Variants in ZNF407 observed in about 807,000 individuals in gnomAD.
The protein encoded by ZNF407 is zinc finger protein 407.
ZNF407 carries 17 observed loss-of-function variants against 131.2 expected under a neutral mutation model. That is an observed-to-expected ratio of 0.13 (90% confidence interval 0.09 to 0.19). ZNF407 has a LOEUF of 0.19. Among genes scored for constraint, ZNF407 ranks in the 10% least tolerant of loss-of-function variants. The probability of loss-of-function intolerance (pLI) is 1.00; values close to 1 mark genes in which losing one functional copy is unlikely to be tolerated. For synonymous variants in ZNF407, 1,156 were observed against 1,062.0 expected, an observed-to-expected ratio of 1.09 and a Z score of -1.72; for missense variants, 2,681 against 2,830.6, an observed-to-expected ratio of 0.95 and a Z score of 1.20.
intron 3 of ZNF407, among the ~76,000 whole-genome samples, chr18:74,706,041 C>A (rs956369862): frequency 2.6e-5 from 4 of 152,170 alleles, no homozygotes; most frequent in South Asian, 2.1e-4. Flanking sequence ...TCCACTGTCT[C>A]TTCCCCCTTC....
chr18:74,914,963 T>C (rs1021865841), intron 7 of ZNF407, among the ~76,000 whole-genome samples: 1 of 152,256 alleles, frequency 6.6e-6, no homozygotes, highest in African/African-American at 2.4e-5. Context: ...AACTGTGACA[T>C]GAGTTCTTCC....
chr18:74,915,720 T>TGTGCGC (rs1413858651), intron 7 of ZNF407, among the ~76,000 whole-genome samples: 11 of 84,830 alleles, frequency 1.3e-4, no homozygotes, highest in African/African-American at 3.6e-4. Flanking sequence ...TGTGTGTGTG[T>TGTGCGC]GCTGGTATGG....
intron 1 of ZNF407, among the ~76,000 whole-genome samples, chr18:74,606,832 T>G (rs1023300663): frequency 6.6e-6 from 1 of 152,222 alleles, no homozygotes; most frequent in African/African-American, 2.4e-5. Context: ...GAAGAAATAA[T>G]TTTAGATATA....
chr18:74,968,115 G>A (rs1171514790), intron 8 of ZNF407, among the ~76,000 whole-genome samples: 2 of 152,120 alleles, frequency 1.3e-5, no homozygotes, highest in African/African-American at 4.8e-5. Flanking sequence ...GATATATTAT[G>A]TGGTCATCAT....
intron 3 of ZNF407, among the ~76,000 whole-genome samples, chr18:74,658,133 G>A (rs552451916): frequency 4.9e-4 from 69 of 139,734 alleles, no homozygotes; most frequent in African/African-American, 2.0e-3. Context: ...TATTTTTTGA[G>A]ACGGAGCCTC....
intron 3 of ZNF407, among the ~76,000 whole-genome samples, chr18:74,736,594 A>AT (rs1276855525): frequency 5.3e-5 from 8 of 152,046 alleles, no homozygotes; most frequent in Non-Finnish European, 8.8e-5. Flanking sequence ...CTGTACTGAG[A>AT]TTTTTTTAAC....
chr18:74,754,461 T>G (rs887571342), intron 3 of ZNF407, among the ~76,000 whole-genome samples: 2 of 152,250 alleles, frequency 1.3e-5, no homozygotes, highest in African/African-American at 4.8e-5. Flanking sequence ...TTTTAGATCT[T>G]TCCTGCTTTC....
intron 4 of ZNF407, among the ~76,000 whole-genome samples, chr18:74,850,109 G>A (rs916362184): frequency 6.6e-6 from 1 of 151,858 alleles, no homozygotes; most frequent in Non-Finnish European, 1.5e-5. Context: ...GAAGTTAAAG[G>A]GTTTTCCAGT....
chr18:74,876,409 A>G (rs1971156786), intron 4 of ZNF407, among the ~76,000 whole-genome samples: 1 of 152,212 alleles, frequency 6.6e-6, no homozygotes, highest in South Asian at 2.1e-4. Context: ...CAACTATTTC[A>G]TGAATGCAAT....
At chr18:74,885,751 T>C (rs1242688973) in intron 6 of ZNF407, among the ~76,000 whole-genome samples, 1 of 152,182 alleles carries the variant, frequency 6.6e-6, no homozygotes, top group Non-Finnish European at 1.5e-5. Context: ...TTGGAGCAGT[T>C]GGCTATCTAT....
Position 74,973,148 on chromosome 18 carries a change from G to A in ZNF407, c.5428+52456G>A, listed in dbSNP as rs186318626. ...AGGTTTTATATATATATGTGTGTGT[G>A]TGTGTATAAACATTATAAATACATA... On this transcript the variant is annotated intron_variant, in intron 8 of 8. Coordinates refer to ENST00000299687, the MANE Select transcript of ZNF407 (RefSeq NM_017757.3). 4.3e-3 allele frequency among the ~76,000 whole-genome samples: 655 copies of A among 152,196 alleles called. 6 individuals carry two copies. The highest frequency in any genetic ancestry group is 0.01 in the South Asian group (49 of 4,826).
intron 4 of ZNF407, among the ~76,000 whole-genome samples, chr18:74,867,078 G>C (rs1971022968): frequency 6.6e-6 from 1 of 150,624 alleles, no homozygotes. Context: ...AATAAATAGT[G>C]ATGGTTGTCA....
intron 3 of ZNF407, among the ~76,000 whole-genome samples, chr18:74,717,369 A>G (rs1332821780): frequency 6.6e-6 from 1 of 152,192 alleles, no homozygotes; most frequent in Non-Finnish European, 1.5e-5. Context: ...ATACTGTAAT[A>G]GCTTTACATC....
intron 4 of ZNF407, among the ~76,000 whole-genome samples, chr18:74,827,143 A>G (rs1321035785): frequency 6.6e-6 from 1 of 152,178 alleles, no homozygotes; most frequent in Non-Finnish European, 1.5e-5. Flanking sequence ...AGTTGTTTGG[A>G]AAATGTCCCT....
intron 8 of ZNF407, among the ~76,000 whole-genome samples, chr18:75,027,998 A>G (rs933183844): frequency 2.6e-5 from 4 of 152,206 alleles, no homozygotes; most frequent in African/African-American, 9.6e-5. Context: ...GTGGTAGCAG[A>G]GACGTGATGA....
chr18:74,654,241 G>C (rs2144716433), intron 3 of ZNF407, among the ~76,000 whole-genome samples: 1 of 151,896 alleles, frequency 6.6e-6, no homozygotes, highest in Middle Eastern at 3.4e-3. Flanking sequence ...TTATTTACCA[G>C]TAGGTATAGT....
intron 3 of ZNF407, among the ~76,000 whole-genome samples, chr18:74,663,261 C>T (rs1203986004): frequency 6.6e-6 from 1 of 152,064 alleles, no homozygotes; most frequent in Non-Finnish European, 1.5e-5. Flanking sequence ...TTTATGTGTA[C>T]CACATCTAAA....
chr18:74,896,664 T>G (rs991548585), intron 7 of ZNF407, among the ~76,000 whole-genome samples: 1 of 152,202 alleles, frequency 6.6e-6, no homozygotes, highest in Non-Finnish European at 1.5e-5. Flanking sequence ...CTTTGAAAGG[T>G]TCTCCTAGCT....
intron 3 of ZNF407, among the ~76,000 whole-genome samples, chr18:74,708,593 T>C (rs1967681863): frequency 6.6e-6 from 1 of 152,182 alleles, no homozygotes; most frequent in Admixed American, 6.5e-5. Flanking sequence ...GCTGACCTTT[T>C]TCTGTGGGGC....
Sources: allele counts gnomAD v4.1 joint callset (sites outside exome capture counted in the v4.1 genomes callset), GRCh38; gene constraint gnomAD v4.1.1; transcripts MANE v1.5; gene names NCBI Gene and HGNC (gene_info 2026-07-23, HGNC 2026-07-21).